The following SIRPG variants were observed in gnomAD, a reference collection of about 807,000 sequenced individuals.
The protein encoded by SIRPG is signal-regulatory protein gamma.
A neutral mutation model predicts 35.7 loss-of-function variants in SIRPG; 38 were observed. The observed-to-expected ratio is 1.06, with a 90% CI of 0.82 to 1.40. The LOEUF (loss-of-function observed/expected upper bound fraction) is 1.40. SIRPG is among the 40% of genes most tolerant of loss of function. The pLI, the probability that SIRPG is intolerant of heterozygous loss-of-function variation, is 0.00. For synonymous variants in SIRPG, 215 were observed against 190.4 expected (o/e 1.13, Z -1.06); for missense variants, 519 against 483.0 (o/e 1.07, Z -0.70).
chr20:1,674,027 C>T, the SIRPG span, among the ~76,000 whole-genome samples: 4 of 152,166 alleles, frequency 2.6e-5, no homozygotes, highest in Admixed American at 1.3e-4. Context: ...ATGTCTCTGG[C>T]CCATGTTATT....
the SIRPG span, among the ~76,000 whole-genome samples, chr20:1,672,158 A>G: frequency 4.6e-5 from 7 of 152,166 alleles, no homozygotes; most frequent in African/African-American, 1.7e-4. Flanking sequence ...GTAAAATAGG[A>G]CAGCATTTCT....
At chr20:1,677,125 A>G in the SIRPG span, among the ~76,000 whole-genome samples, 2 of 142,752 alleles carry the variant, frequency 1.4e-5, no homozygotes, top group Middle Eastern at 3.2e-3. Context: ...GATAGAGCTT[A>G]AACATGAGAC....
At chr20:1,633,066 C>A (rs867545410) in intron 4 of SIRPG, among the ~76,000 whole-genome samples, 6 of 152,054 alleles carry the variant, frequency 3.9e-5, no homozygotes, top group African/African-American at 1.2e-4. Flanking sequence ...CAGGGGATAT[C>A]GCCATAACCC....
At chr20:1,663,029 C>T in the SIRPG span, among the ~76,000 whole-genome samples, 1 of 151,528 alleles carries the variant, frequency 6.6e-6, no homozygotes, top group Non-Finnish European at 1.5e-5. Context: ...AAAAAAAAAT[C>T]ATGGCCCGGC....
intron 1 of SIRPG, among the ~76,000 whole-genome samples, chr20:1,652,210 A>G (rs2122563551): frequency 6.6e-6 from 1 of 152,342 alleles, no homozygotes; most frequent in African/African-American, 2.4e-5. Flanking sequence ...CTAACAAAAA[A>G]TGACTGGTTA....
the SIRPG span, chr20:1,671,230 G>T: frequency 1.3e-5 from 3 of 233,384 alleles, no homozygotes; most frequent in South Asian, 1.7e-4. Context: ...CAGGAGACAT[G>T]ACTGAGATGA....
the SIRPG span, among the ~76,000 whole-genome samples, chr20:1,668,762 G>C: frequency 3.3e-5 from 5 of 152,292 alleles, no homozygotes; most frequent in East Asian, 9.6e-4. Flanking sequence ...TGATCTTGTA[G>C]AAAAACGTCC....
intron 4 of SIRPG, among the ~76,000 whole-genome samples, chr20:1,634,859 C>T (rs370143702): frequency 2.0e-5 from 3 of 151,678 alleles, no homozygotes; most frequent in Non-Finnish European, 4.4e-5. Context: ...CTGGCTAACA[C>T]GGTGAAACCC....
At chr20:1,684,241 C>T in the SIRPG span, among the ~76,000 whole-genome samples, 3 of 151,982 alleles carry the variant, frequency 2.0e-5, no homozygotes, top group Admixed American at 2.0e-4. Context: ...TAATCATGTA[C>T]ACATATTTTA....
chr20:1,661,887 C>A (rs909438086), upstream of SIRPG, among the ~76,000 whole-genome samples: 11 of 152,298 alleles, frequency 7.2e-5, no homozygotes, highest in African/African-American at 2.6e-4. Flanking sequence ...TGCCAGGGGT[C>A]CCATGACCCT....
Position 1,649,295 on chromosome 20 carries a change from G to C in SIRPG, c.187C>G (p.Pro63Ala), listed in dbSNP as rs200917950. The C allele has an allele frequency of 6.8e-6, 11 of 1,614,120 alleles. No homozygotes were observed. The East Asian group carries it at 2.5e-4, about 36-fold the overall frequency. ...CCAACTCCTCTGAACCACAGGACGG[G>C]TCCCACGGGAAGCAGGGAGGTCACA... is the stretch of plus-strand genomic sequence containing the variant. ...CTVTSLLPVG[P>A]VLWFRGVGPG... Residue 63 changes from proline (P) to alanine (A), a missense_variant, in exon 2 of 6, where the codon CCC (proline) becomes GCC (alanine). Physicochemically the swap from Pro to Ala is conservative, Grantham distance 27. Coordinates refer to ENST00000303415, the MANE Select transcript of SIRPG (RefSeq NM_018556.4).
chr20:1,674,965 C>T, the SIRPG span, among the ~76,000 whole-genome samples: 27 of 152,174 alleles, frequency 1.8e-4, no homozygotes, highest in Non-Finnish European at 3.2e-4. Flanking sequence ...GCACTCATGT[C>T]CATTAACAGA....
Position 1,645,580 on chromosome 20 carries a change from C to T in SIRPG, c.430+3472G>A, listed in dbSNP as rs77718772. Among the ~76,000 whole-genome samples the T allele has an allele frequency of 8.7e-3, 1,324 of 152,242 alleles. 14 individuals are homozygous for T. Among genetic ancestry groups the T allele is most frequent in the Middle Eastern group, 0.065 (19 of 294 alleles). On this transcript the variant is annotated intron_variant, in intron 2 of 5. Coordinates refer to ENST00000303415, the MANE Select transcript of SIRPG (RefSeq NM_018556.4). ...ACATTTATGGAACATTTACTGCATT[C>T]CAGGTGCTGCTCTGAGCATGTTACA...
In SIRPG at chr20:1,629,466, T is replaced by C. The variant is rs1395649317; in HGVS notation, c.*173A>G. On this transcript the variant is annotated 3_prime_UTR_variant, in exon 6 of 6. Coordinates refer to ENST00000303415, the MANE Select transcript of SIRPG (RefSeq NM_018556.4). ...CCTTGCTCTGGGGCATCCAGGTCTG[T>C]GTGAAGGAGCAACAGGAGCCTGTGG... 2 of 152,270 alleles carry C rather than the reference T, an allele frequency of 1.3e-5. No homozygotes were observed. The highest frequency in any genetic ancestry group is 2.4e-5 in the African/African-American group (1 of 41,394). 9.4% of individuals were successfully genotyped at this position (152,270 alleles called of 1,614,324 possible). A position where few individuals can be genotyped will look rare whatever the true frequency, so the allele number is the denominator to read the frequency against.
the SIRPG span, among the ~76,000 whole-genome samples, chr20:1,678,790 T>A: frequency 6.6e-6 from 1 of 152,108 alleles, no homozygotes; most frequent in Non-Finnish European, 1.5e-5. Context: ...CACATTATAA[T>A]CCAACTGTCG....
the SIRPG span, among the ~76,000 whole-genome samples, chr20:1,683,417 C>A: frequency 6.6e-6 from 1 of 152,148 alleles, no homozygotes; most frequent in African/African-American, 2.4e-5. Context: ...AAGGAAGTAA[C>A]ATCAGCATGT....
At chr20:1,656,847 G>C (rs73082608) in intron 1 of SIRPG, among the ~76,000 whole-genome samples, 5,113 of 152,206 alleles carry the variant, frequency 0.034, 130 homozygotes, top group Middle Eastern at 0.058. Flanking sequence ...TGGAGACAAG[G>C]TCTTTAACCC....
At chr20:1,655,311 T>G (rs891518903) in intron 1 of SIRPG, among the ~76,000 whole-genome samples, 2 of 152,120 alleles carry the variant, frequency 1.3e-5, no homozygotes, top group African/African-American at 2.4e-5. Context: ...AGAAAGAAAA[T>G]GTAGCATATA....
At chr20:1,639,940 G>A (rs1421474249) in intron 2 of SIRPG, among the ~76,000 whole-genome samples, 1 of 152,116 alleles carries the variant, frequency 6.6e-6, no homozygotes, top group African/African-American at 2.4e-5. Context: ...TAAATGTACA[G>A]CATTATTTCT....
Sources: allele counts gnomAD v4.1 joint callset (sites outside exome capture counted in the v4.1 genomes callset), GRCh38; gene constraint gnomAD v4.1.1; transcripts MANE v1.5; gene names NCBI Gene and HGNC (gene_info 2026-07-23, HGNC 2026-07-21).